ZSWIM5: variants seen among roughly 807,000 people sequenced by gnomAD.
ZSWIM5 encodes the protein zinc finger SWIM domain-containing protein 5.
ZSWIM5 carries 55 observed loss-of-function variants against 119.6 expected under a neutral mutation model. That is an observed-to-expected ratio of 0.46 (90% CI 0.37 to 0.58). The LOEUF is 0.58. ZSWIM5 is among the 20% of genes least tolerant of loss of function. ZSWIM5 has a pLI of 0.00. For missense variants in ZSWIM5, 1,193 were observed against 1,512.8 expected (o/e 0.79, Z 3.51); for synonymous variants, 537 against 606.9 (o/e 0.88, Z 1.69).
chr1:45,048,078 TTCTC>T (rs1412019363), intron 5 of ZSWIM5, among the ~76,000 whole-genome samples: 1 of 23,520 alleles, frequency 4.3e-5, no homozygotes, highest in African/African-American at 1.7e-4. Flanking sequence ...TCCTTTTCTT[TTCTC>T]TTTTTTTTTT....
intron 1 of ZSWIM5, among the ~76,000 whole-genome samples, chr1:45,193,356 G>T (rs1056119731): frequency 6.6e-6 from 1 of 152,156 alleles, no homozygotes; most frequent in African/African-American, 2.4e-5. Context: ...AATTGTAGTT[G>T]AAACTGTAGA....
chr1:45,097,855 C>T (rs770244161), intron 1 of ZSWIM5, among the ~76,000 whole-genome samples: 3 of 152,070 alleles, frequency 2.0e-5, no homozygotes, highest in African/African-American at 4.8e-5. Flanking sequence ...GTCCCCACCA[C>T]CACACCCGGC....
rs550653312 is a variant in ZSWIM5, at chr1:45,054,443, G to A, written c.1253-3190C>T. On this transcript the variant is annotated intron_variant, in intron 4 of 13. Transcript: ENST00000359600. ...ACAAAAGTAGAAAAATTAGCCGGGC[G>A]TGGTGGTGCGCGCCTGTAGTCTCAG... 4.6e-5 allele frequency among the ~76,000 whole-genome samples: 7 copies of A among 152,038 alleles called. No homozygotes were observed. In the East Asian group the frequency reaches 1.2e-3, roughly 25 times the overall value.
Position 45,164,609 on chromosome 1 carries a change from TA to T in ZSWIM5, c.595+41146del, listed in dbSNP as rs1039173393. Among the ~76,000 whole-genome samples, 10 of 151,818 alleles carry T rather than the reference TA, an allele frequency of 6.6e-5. No homozygotes were observed. In the East Asian group the frequency reaches 1.9e-3, roughly 29 times the overall value. On this transcript the variant is annotated intron_variant, in intron 1 of 13. Coordinates refer to ENST00000359600, the MANE Select transcript of ZSWIM5 (RefSeq NM_020883.2). ...TGCAGAGACACACATAGGCTCAAAATAAAGGGATGGAGGAAGATCTACCAAG... is the reference window on the plus strand; with the variant it reads ...TGCAGAGACACACATAGGCTCAAAATAAGGGATGGAGGAAGATCTACCAAG...
intron 1 of ZSWIM5, among the ~76,000 whole-genome samples, chr1:45,092,322 A>G (rs1231346265): frequency 2.0e-5 from 3 of 151,958 alleles, no homozygotes; most frequent in Non-Finnish European, 2.9e-5. Context: ...TTTGAGATGG[A>G]GTCTCACTCT....
chr1:45,087,096 C>T (rs1340838509), intron 2 of ZSWIM5, among the ~76,000 whole-genome samples: 2 of 152,062 alleles, frequency 1.3e-5, no homozygotes, highest in African/African-American at 2.4e-5. Flanking sequence ...GTTCACTAGG[C>T]TGGTCTTGAA....
chr1:45,043,345 G>T lies in ZSWIM5; in HGVS notation c.1483C>A (p.Arg495Ser), dbSNP rs373688548. The T allele has an allele frequency of 6.2e-7, 1 of 1,614,066 alleles. No homozygotes were observed. The highest frequency in any genetic ancestry group is 2.2e-5 in the East Asian group (1 of 44,900). ...TGGCTATCCTGCCAATGTAATTCACGCCCCTCAATGGCTCTAGTGAATACT... is the reference window on the plus strand; with the variant it reads ...TGGCTATCCTGCCAATGTAATTCACTCCCCTCAATGGCTCTAGTGAATACT... ...RTVFTRAIEG[R>S]ELHWQDSHLQ... The change falls in exon 6 of 14, where the codon CGT becomes AGT. Residue 495 changes from arginine (R) to serine (S), a missense_variant. Coordinates refer to ENST00000359600, the MANE Select transcript of ZSWIM5 (RefSeq NM_020883.2).
chr1:45,162,174 A>T (rs1645867521), intron 1 of ZSWIM5, among the ~76,000 whole-genome samples: 3 of 152,240 alleles, frequency 2.0e-5, no homozygotes, highest in African/African-American at 7.2e-5. Context: ...TCATAAACTG[A>T]TAACTTATAG....
At chr1:45,052,440 A>G (rs935906467) in intron 4 of ZSWIM5, among the ~76,000 whole-genome samples, 9 of 152,236 alleles carry the variant, frequency 5.9e-5, no homozygotes, top group African/African-American at 2.2e-4. Flanking sequence ...TTGAAAAGCC[A>G]TCTTAGCCTC....
chr1:45,033,864 G>A (rs755726303), intron 11 of ZSWIM5, among the ~76,000 whole-genome samples: 37 of 151,122 alleles, frequency 2.4e-4, no homozygotes, highest in Non-Finnish European at 5.0e-4. Context: ...TTGGATCCAG[G>A]TGCTTTTTTT....
chr1:45,106,089 G>GC, intron 1 of ZSWIM5, among the ~76,000 whole-genome samples: 1 of 137,086 alleles, frequency 7.3e-6, no homozygotes, highest in East Asian at 2.3e-4. Flanking sequence ...CTGCACGGCC[G>GC]CCCCGTCTGG....
At chr1:45,161,950 C>A (rs1287829550) in intron 1 of ZSWIM5, among the ~76,000 whole-genome samples, 2 of 152,198 alleles carry the variant, frequency 1.3e-5, no homozygotes, top group Non-Finnish European at 2.9e-5. Flanking sequence ...CAATCCATCT[C>A]CCACTTCCAG....
At chr1:45,082,888 A>G (rs531921610) in intron 2 of ZSWIM5, among the ~76,000 whole-genome samples, 13 of 152,340 alleles carry the variant, frequency 8.5e-5, no homozygotes, top group African/African-American at 3.1e-4. Flanking sequence ...AGGCCAATAC[A>G]GGTCCTGAAC....
chr1:45,107,740 TA>T (rs967898954), intron 1 of ZSWIM5, among the ~76,000 whole-genome samples: 2 of 151,918 alleles, frequency 1.3e-5, no homozygotes, highest in East Asian at 3.9e-4. Context: ...TCATGGTGGA[TA>T]ACCATTCTAT....
At chr1:45,153,919 T>C (rs1164657667) in intron 1 of ZSWIM5, among the ~76,000 whole-genome samples, 1 of 152,084 alleles carries the variant, frequency 6.6e-6, no homozygotes, top group African/African-American at 2.4e-5. Flanking sequence ...ACAAAATTAA[T>C]GTACACAAAT....
intron 11 of ZSWIM5, among the ~76,000 whole-genome samples, chr1:45,033,022 T>G (rs1644962204): frequency 6.6e-6 from 1 of 152,194 alleles, no homozygotes. Context: ...GTTCATTGAT[T>G]TCCTTAGATC....
intron 2 of ZSWIM5, among the ~76,000 whole-genome samples, chr1:45,061,687 A>C (rs2149001061): frequency 6.7e-6 from 1 of 150,360 alleles, no homozygotes; most frequent in African/African-American, 2.4e-5. Flanking sequence ...ACCTATGTAT[A>C]CATTATAGGA....
chr1:45,169,972 A>G (rs1557787396), intron 1 of ZSWIM5, among the ~76,000 whole-genome samples: 1 of 152,124 alleles, frequency 6.6e-6, no homozygotes, highest in Non-Finnish European at 1.5e-5. Flanking sequence ...GTGAAATACT[A>G]AAACTCAGCA....
chr1:45,184,620 G>T (rs954641952), intron 1 of ZSWIM5, among the ~76,000 whole-genome samples: 23 of 151,934 alleles, frequency 1.5e-4, no homozygotes, highest in Non-Finnish European at 2.6e-4. Flanking sequence ...CAAACAGAGA[G>T]CCAAATCATG....
Sources: gnomAD v4.1 joint callset for allele counts (sites outside exome capture counted in the v4.1 genomes callset) on GRCh38, gnomAD v4.1.1 for gene constraint, MANE v1.5 for transcripts, NCBI Gene and HGNC (gene_info 2026-07-23, HGNC 2026-07-21) for gene names.